TENM3: variants seen among roughly 807,000 people sequenced by gnomAD.
TENM3 encodes teneurin transmembrane protein 3.
TENM3 carries 63 observed loss-of-function variants against 255.1 expected under a neutral mutation model. The ratio of observed to expected loss-of-function variants is 0.25; its 90% CI spans 0.20 to 0.30. TENM3 has a LOEUF of 0.30. Ranked by LOEUF, TENM3 falls within the 10% of genes least tolerant of loss-of-function variation. The pLI, the probability that TENM3 is intolerant of heterozygous loss-of-function variation, is 1.00. For missense variants in TENM3, 2,929 were observed against 3,461.1 expected, an observed-to-expected ratio of 0.85 and a Z score of 3.86; for synonymous variants, 1,306 against 1,322.3, an observed-to-expected ratio of 0.99 and a Z score of 0.27.
chr4:181,660,733 G>T, the TENM3 span, among the ~76,000 whole-genome samples: 1 of 152,220 alleles, frequency 6.6e-6, no homozygotes, highest in South Asian at 2.1e-4. Context: ...AAGCACATCT[G>T]CTTAATGCCT....
At chr4:182,770,409 T>C (rs554049002) in intron 22 of TENM3, among the ~76,000 whole-genome samples, 5 of 152,304 alleles carry the variant, frequency 3.3e-5, no homozygotes, top group African/African-American at 1.2e-4. Flanking sequence ...GACTCTGTGC[T>C]GGCCACTGTG....
intron 1 of TENM3, among the ~76,000 whole-genome samples, chr4:182,277,735 T>G (rs546060726): frequency 6.6e-6 from 1 of 152,342 alleles, no homozygotes; most frequent in East Asian, 1.9e-4. Context: ...AAACTGCTCT[T>G]GTTGCCAGTA....
chr4:181,793,923 G>A, the TENM3 span, among the ~76,000 whole-genome samples: 1 of 152,068 alleles, frequency 6.6e-6, no homozygotes, highest in Non-Finnish European at 1.5e-5. Flanking sequence ...GATTAGGGCT[G>A]GTCCTATAGT....
intron 3 of TENM3, among the ~76,000 whole-genome samples, chr4:182,588,181 A>G (rs1180152268): frequency 6.6e-6 from 1 of 152,104 alleles, no homozygotes; most frequent in Non-Finnish European, 1.5e-5. Context: ...TCATTGCATG[A>G]CTCCAATCCT....
At chr4:182,440,457 C>G (rs1772383140) in intron 3 of TENM3, among the ~76,000 whole-genome samples, 3 of 152,108 alleles carry the variant, frequency 2.0e-5, no homozygotes, top group Non-Finnish European at 4.4e-5. Context: ...ATGCTCACTT[C>G]ACTCCATTTC....
the TENM3 span, among the ~76,000 whole-genome samples, chr4:181,736,868 G>A: frequency 1.3e-5 from 2 of 151,924 alleles, no homozygotes; most frequent in Non-Finnish European, 2.9e-5. Context: ...AAGAGGCGAT[G>A]CACGTGCTTT....
At chr4:182,634,243 T>C (rs1302868071) in intron 5 of TENM3, among the ~76,000 whole-genome samples, 1 of 152,174 alleles carries the variant, frequency 6.6e-6, no homozygotes, top group African/African-American at 2.4e-5. Flanking sequence ...AATTGTGCTG[T>C]TTTTCATTAA....
At chr4:182,365,524 C>T (rs890057240) in intron 3 of TENM3, among the ~76,000 whole-genome samples, 1 of 152,226 alleles carries the variant, frequency 6.6e-6, no homozygotes, top group African/African-American at 2.4e-5. Flanking sequence ...GCCGCCTGTA[C>T]ACTTTTTACT....
chr4:181,570,352 G>A, the TENM3 span, among the ~76,000 whole-genome samples: 6 of 152,006 alleles, frequency 3.9e-5, no homozygotes, highest in Non-Finnish European at 7.4e-5. Context: ...CTTAAAAAAC[G>A]TATCCAGGCG....
At chr4:181,956,578 C>T in the TENM3 span, among the ~76,000 whole-genome samples, 1 of 152,170 alleles carries the variant, frequency 6.6e-6, no homozygotes, top group Non-Finnish European at 1.5e-5. Context: ...TCAGACAAGT[C>T]ATCTTGAATC....
chr4:182,033,970 C>T, the TENM3 span, among the ~76,000 whole-genome samples: 1 of 152,100 alleles, frequency 6.6e-6, no homozygotes, highest in Admixed American at 6.5e-5. Flanking sequence ...TCTCACACTG[C>T]TAATAAAGAC....
At chr4:182,249,190 T>C (rs2150106224) in intron 1 of TENM3, among the ~76,000 whole-genome samples, 1 of 152,294 alleles carries the variant, frequency 6.6e-6, no homozygotes, top group South Asian at 2.1e-4. Flanking sequence ...ATGGGAGTCA[T>C]GTGGTCATGA....
chr4:182,555,035 C>A (rs570335565), intron 3 of TENM3, among the ~76,000 whole-genome samples: 1 of 152,144 alleles, frequency 6.6e-6, no homozygotes, highest in South Asian at 2.1e-4. Context: ...TCCTTGTCTT[C>A]CAAAAAAAGA....
At chr4:181,773,532 G>A in the TENM3 span, among the ~76,000 whole-genome samples, 1 of 152,170 alleles carries the variant, frequency 6.6e-6, no homozygotes. Flanking sequence ...AATTTAAGCT[G>A]CTTCGTGTTT....
the TENM3 span, among the ~76,000 whole-genome samples, chr4:181,723,123 G>T: frequency 6.6e-6 from 1 of 151,730 alleles, no homozygotes; most frequent in African/African-American, 2.4e-5. Context: ...TCAGCAAATC[G>T]TCAAGATAAA....
chr4:181,857,551 CAAAAAAAAAAA>C, the TENM3 span, among the ~76,000 whole-genome samples: 5 of 104,800 alleles, frequency 4.8e-5, no homozygotes, highest in African/African-American at 2.5e-4. Context: ...CCTGTCTCTA[CAAAAAAAAAAA>C]AAAAAAAAAA....
intron 12 of TENM3, among the ~76,000 whole-genome samples, chr4:182,697,309 A>G (rs1196435584): frequency 6.6e-6 from 1 of 152,208 alleles, no homozygotes; most frequent in Non-Finnish European, 1.5e-5. Flanking sequence ...TAGTCTGGAC[A>G]TAGATGCCTC....
At chr4:182,066,599 A>AAATAT in the TENM3 span, among the ~76,000 whole-genome samples, 99 of 137,108 alleles carry the variant, frequency 7.2e-4, no homozygotes, top group African/African-American at 2.2e-3. Context: ...GTAAAAAAAA[A>AAATAT]ATATATATAT....
the TENM3 span, among the ~76,000 whole-genome samples, chr4:181,554,459 G>C: frequency 6.6e-6 from 1 of 152,226 alleles, no homozygotes; most frequent in South Asian, 2.1e-4. Flanking sequence ...TAATTATAAT[G>C]TTACTAATAT....
Sources: gnomAD v4.1 joint callset for allele counts (sites outside exome capture counted in the v4.1 genomes callset) on GRCh38, gnomAD v4.1.1 for gene constraint, MANE v1.5 for transcripts, NCBI Gene and HGNC (gene_info 2026-07-23, HGNC 2026-07-21) for gene names.